GCKR: variants seen among roughly 807,000 people sequenced by gnomAD.
GCKR encodes glucokinase regulator.
A neutral mutation model predicts 82.9 loss-of-function variants in GCKR; 73 were observed. The ratio of observed to expected loss-of-function variants is 0.88; its 90% confidence interval spans 0.73 to 1.07. The LOEUF (loss-of-function observed/expected upper bound fraction) is 1.07. GCKR is among the 50% of genes least tolerant of loss of function. The pLI, the probability that GCKR is intolerant of heterozygous loss-of-function variation, is 0.00. For synonymous variants in GCKR, 294 were observed against 291.8 expected (o/e 1.01, Z -0.08); for missense variants, 784 against 782.1 (o/e 1.00, Z -0.03).
chr2:27,499,978 G>A (rs1201688716), intron 7 of GCKR, among the ~76,000 whole-genome samples: 2 of 152,004 alleles, frequency 1.3e-5, no homozygotes, highest in Admixed American at 1.3e-4. Flanking sequence ...GGCTGGTCTC[G>A]AACTCCTGAC....
intron 16 of GCKR, among the ~76,000 whole-genome samples, chr2:27,515,245 T>C (rs974853467): frequency 4.0e-5 from 6 of 151,780 alleles, no homozygotes; most frequent in African/African-American, 1.2e-4. Context: ...CCCAAAGTGC[T>C]GATTACAGGC....
intron 16 of GCKR, among the ~76,000 whole-genome samples, chr2:27,514,643 G>A (rs1669962485): frequency 6.6e-6 from 1 of 152,192 alleles, no homozygotes; most frequent in South Asian, 2.1e-4. Context: ...AATCTCCTAT[G>A]TAGGACATAT....
At chr2:27,521,197 G>A (rs998865654) in intron 17 of GCKR, among the ~76,000 whole-genome samples, 4 of 152,032 alleles carry the variant, frequency 2.6e-5, no homozygotes, top group African/African-American at 7.2e-5. Context: ...GTTTACATTG[G>A]GTTATATATT....
rs1387052263 is a variant in GCKR, at chr2:27,505,764, C to T, written c.797C>T (p.Thr266Ile). The change falls in exon 10 of 19, where the codon ACC becomes ATC. Residue 266 changes from threonine (T) to isoleucine (I), a missense_variant. Physicochemically the swap from Thr to Ile is moderately conservative, Grantham distance 89 (BLOSUM62 -1). Coordinates refer to ENST00000264717, the MANE Select transcript of GCKR (RefSeq NM_001486.4). ...GSSRMKGGSA[T>I]KILLETLLLA... ...TCCCGGATGAAAGGTGGAAGTGCCA[C>T]CAAGATTCTGCTGGAAACCCTGTTA... is the stretch of plus-strand genomic sequence containing the variant. 2.5e-6 allele frequency: 4 copies of T among 1,613,028 alleles called. No individual in the cohort carries two copies. Among genetic ancestry groups the T allele is most frequent in the Admixed American group, 1.7e-5 (1 of 60,010 alleles).
At chr2:27,499,784 G>A (rs1486998545) in intron 7 of GCKR, among the ~76,000 whole-genome samples, 2 of 152,176 alleles carry the variant, frequency 1.3e-5, no homozygotes, top group Non-Finnish European at 2.9e-5. Flanking sequence ...TTGAGATGGA[G>A]TCTCGCTCTG....
intron 11 of GCKR, 86 bp downstream of exon 11, chr2:27,506,665 G>C: frequency 8.9e-7 from 1 of 1,126,454 alleles, no homozygotes; most frequent in South Asian, 1.2e-5. Flanking sequence ...ATGTTAACAC[G>C]GTATGGGCGA....
chr2:27,523,217 T>G (rs1189554261), intron 18 of GCKR, 52 bp from the exon 19 acceptor site: 11 of 1,533,890 alleles, frequency 7.2e-6, no homozygotes, highest in Non-Finnish European at 9.9e-6. Flanking sequence ...GGGTTCTTTC[T>G]CTGATGACCT....
intron 16 of GCKR, among the ~76,000 whole-genome samples, chr2:27,513,540 A>AAT (rs1669937513): frequency 6.6e-6 from 1 of 151,390 alleles, no homozygotes; most frequent in African/African-American, 2.4e-5. Context: ...AAAAAAAAAA[A>AAT]AGAAAGAAAG....
chr2:27,511,168 C>G (rs1454996566), intron 16 of GCKR, among the ~76,000 whole-genome samples: 1 of 152,028 alleles, frequency 6.6e-6, no homozygotes, highest in Non-Finnish European at 1.5e-5. Context: ...GCTGGGATTA[C>G]AGGCACACGC....
At chr2:27,515,859 G>C (rs1224974172) in intron 16 of GCKR, among the ~76,000 whole-genome samples, 2 of 149,690 alleles carry the variant, frequency 1.3e-5, no homozygotes, top group Non-Finnish European at 3.0e-5. Context: ...AAACTCCTGG[G>C]CTGAAGCAAT....
In GCKR at chr2:27,508,363, C is replaced by G. The variant is rs924607665; in HGVS notation, c.1422+112C>G. 9.1e-6 allele frequency: 7 copies of G among 765,820 alleles called. No homozygotes were observed. In the African/African-American group the frequency reaches 1.2e-4, roughly 13 times the overall value. The allele number at this position is 765,820 out of a possible 1,614,324, so 47.4% of individuals were successfully genotyped here. A position where few individuals can be genotyped will look rare whatever the true frequency, so the allele number is the denominator to read the frequency against. On this transcript the variant is annotated intron_variant, in intron 16 of 18. Coordinates refer to ENST00000264717, the MANE Select transcript of GCKR (RefSeq NM_001486.4). ...AGAAAGTTTGGAGACCTCTCTGACC[C>G]TCACAAAGCCAGCTGGGCAAGGTCA... is the stretch of plus-strand genomic sequence containing the variant.
intron 17 of GCKR, among the ~76,000 whole-genome samples, chr2:27,519,549 G>A (rs1670098707): frequency 6.6e-6 from 1 of 152,114 alleles, no homozygotes; most frequent in Non-Finnish European, 1.5e-5. Context: ...TGATCCACCT[G>A]CCTCAGCCTC....
At chr2:27,499,309 C>T (rs1288731289) in intron 6 of GCKR, 88 bp from the exon 7 acceptor site, 3 of 1,349,048 alleles carry the variant, frequency 2.2e-6, no homozygotes, top group Non-Finnish European at 3.2e-6. Context: ...TCCTCCCTCC[C>T]CTGTTCCTGG....
chr2:27,515,059 C>A (rs1268538118), intron 16 of GCKR, among the ~76,000 whole-genome samples: 3 of 152,116 alleles, frequency 2.0e-5, no homozygotes, highest in Non-Finnish European at 4.4e-5. Flanking sequence ...CTCACTGCAA[C>A]CTCTGCCTCC....
rs1376269575 is a variant in GCKR at position 27,501,880 on chromosome 2, A to C, written c.644+651A>C. 2.0e-5 allele frequency: 8 copies of C among 397,042 alleles called. No homozygotes were observed. In the East Asian group the frequency reaches 5.2e-4, roughly 26 times the overall value. The allele number at this position is 397,042 out of a possible 1,614,324, so 24.6% of individuals were successfully genotyped here. A position where few individuals can be genotyped will look rare whatever the true frequency, so the allele number is the denominator to read the frequency against. ...CATGAGCTGCCTGGGGAATGTTACA[A>C]AAAAATAAAGAAGATTCTTAGTTCC... On this transcript the variant is annotated intron_variant, in intron 8 of 18. Transcript: ENST00000264717.
chr2:27,505,370 TGGGTGACA>T (rs1403776269), intron 9 of GCKR, among the ~76,000 whole-genome samples: 12 of 129,104 alleles, frequency 9.3e-5, no homozygotes, highest in Admixed American at 2.7e-4. Context: ...CACTCCAGCC[TGGGTGACA>T]GGGTGACAGA....
At chr2:27,518,682 C>A in intron 16 of GCKR, 106 bp from the exon 17 acceptor site, 3 of 918,978 alleles carry the variant, frequency 3.3e-6, no homozygotes, top group Non-Finnish European at 5.4e-6. Flanking sequence ...GCATTTTGGT[C>A]CCTGGTTCTT....
intron 7 of GCKR, among the ~76,000 whole-genome samples, chr2:27,500,647 G>A (rs114957894): frequency 6.6e-5 from 10 of 152,288 alleles, no homozygotes; most frequent in African/African-American, 2.4e-4. Flanking sequence ...AGCAACATCA[G>A]TGTCACCTGG....
intron 16 of GCKR, among the ~76,000 whole-genome samples, chr2:27,515,464 A>G (rs1025558566): frequency 5.0e-5 from 7 of 140,932 alleles, no homozygotes; most frequent in Non-Finnish European, 9.3e-5. Flanking sequence ...CATGTTGGCC[A>G]GGGGTGTCAC....
Sources: gnomAD v4.1 joint callset for allele counts (sites outside exome capture counted in the v4.1 genomes callset) on GRCh38, gnomAD v4.1.1 for gene constraint, MANE v1.5 for transcripts, NCBI Gene and HGNC (gene_info 2026-07-23, HGNC 2026-07-21) for gene names.